The following MAGI2 variants were observed in gnomAD, a reference collection of about 807,000 sequenced individuals.
The protein encoded by MAGI2 is membrane associated guanylate kinase, WW and PDZ domain containing 2.
MAGI2 carries 35 observed loss-of-function variants against 133.3 expected under a neutral mutation model. The ratio of observed to expected loss-of-function variants is 0.26; its 90% CI spans 0.20 to 0.35. The LOEUF is 0.35. MAGI2 is among the 10% of genes least tolerant of loss of function. The pLI, the probability that MAGI2 is intolerant of heterozygous loss-of-function variation, is 1.00. For synonymous variants in MAGI2, 729 were observed against 710.6 expected, an observed-to-expected ratio of 1.03 and a Z score of -0.41; for missense variants, 1,636 against 1,863.4, an observed-to-expected ratio of 0.88 and a Z score of 2.25.
chr7:78,794,793 C>G (rs1023764715), intron 2 of MAGI2, among the ~76,000 whole-genome samples: 8 of 152,074 alleles, frequency 5.3e-5, no homozygotes, highest in African/African-American at 1.9e-4. Context: ...AACACTGAAA[C>G]TATTGGAAAT....
At chr7:78,542,369 T>C (rs898651633) in intron 3 of MAGI2, among the ~76,000 whole-genome samples, 19 of 152,166 alleles carry the variant, frequency 1.2e-4, no homozygotes, top group African/African-American at 4.3e-4. Context: ...GAATACTTCA[T>C]ATGTACCTAG....
intron 6 of MAGI2, among the ~76,000 whole-genome samples, chr7:78,417,154 G>A (rs867566294): frequency 4.6e-5 from 7 of 152,026 alleles, no homozygotes; most frequent in Non-Finnish European, 8.8e-5. Flanking sequence ...CTTTGAGGAA[G>A]GGCCAGAGTG....
intron 10 of MAGI2, among the ~76,000 whole-genome samples, chr7:78,213,679 C>G (rs1787988722): frequency 6.6e-6 from 1 of 152,168 alleles, no homozygotes. Context: ...AGGGAAATGT[C>G]AAGCTGTAAC....
intron 9 of MAGI2, among the ~76,000 whole-genome samples, chr7:78,286,951 C>T (rs1274576839): frequency 4.6e-5 from 7 of 152,080 alleles, no homozygotes; most frequent in African/African-American, 1.2e-4. Flanking sequence ...TGAATGTAGC[C>T]GGATGGAATA....
chr7:78,997,869 C>A (rs991210576), intron 2 of MAGI2, among the ~76,000 whole-genome samples: 1 of 152,126 alleles, frequency 6.6e-6, no homozygotes, highest in African/African-American at 2.4e-5. Context: ...GCACTATATT[C>A]AATGTTAAAT....
At chr7:78,971,597 G>A (rs909577373) in intron 2 of MAGI2, among the ~76,000 whole-genome samples, 3 of 151,944 alleles carry the variant, frequency 2.0e-5, no homozygotes, top group Admixed American at 2.0e-4. Flanking sequence ...TATTTTATCT[G>A]TCAACCCTAA....
chr7:78,079,477 TA>T (rs1185105676), intron 20 of MAGI2, among the ~76,000 whole-genome samples: 7 of 152,248 alleles, frequency 4.6e-5, no homozygotes, highest in Non-Finnish European at 1.0e-4. Flanking sequence ...TCATTGATTC[TA>T]TTGCCAACTG....
chr7:78,352,254 A>G (rs1195251837), intron 7 of MAGI2, among the ~76,000 whole-genome samples: 2 of 152,208 alleles, frequency 1.3e-5, no homozygotes, highest in Non-Finnish European at 1.5e-5. Flanking sequence ...GGGACAAAAA[A>G]GAATTATGAT....
At chr7:79,004,326 A>AT (rs1807211787) in intron 2 of MAGI2, among the ~76,000 whole-genome samples, 1 of 152,216 alleles carries the variant, frequency 6.6e-6, no homozygotes, top group African/African-American at 2.4e-5. Context: ...AGAAGTGGAG[A>AT]TCACTATGTT....
intron 3 of MAGI2, among the ~76,000 whole-genome samples, chr7:78,555,771 C>T (rs894161053): frequency 1.3e-5 from 2 of 152,162 alleles, no homozygotes; most frequent in Non-Finnish European, 2.9e-5. Flanking sequence ...TCAATGACTA[C>T]ACTTAGATTG....
chr7:78,974,433 G>T (rs983479884), intron 2 of MAGI2, among the ~76,000 whole-genome samples: 2 of 151,856 alleles, frequency 1.3e-5, no homozygotes, highest in African/African-American at 4.8e-5. Flanking sequence ...TGAGCATGCA[G>T]TATTGAAACA....
chr7:79,157,965 T>G (rs1823973032), intron 1 of MAGI2, among the ~76,000 whole-genome samples: 1 of 150,802 alleles, frequency 6.6e-6, no homozygotes, highest in African/African-American at 2.4e-5. Flanking sequence ...TGTGTGTGTG[T>G]GTGTGTGTGT....
chr7:78,742,815 C>G (rs987818474), intron 2 of MAGI2, among the ~76,000 whole-genome samples: 2 of 152,116 alleles, frequency 1.3e-5, no homozygotes, highest in African/African-American at 2.4e-5. Context: ...CTAGAAAAAT[C>G]GATTCAGCTT....
intron 1 of MAGI2, among the ~76,000 whole-genome samples, chr7:79,299,339 G>C (rs1283210032): frequency 1.3e-5 from 2 of 152,078 alleles, no homozygotes; most frequent in Admixed American, 1.3e-4. Context: ...GTGACATAGA[G>C]TGTTGTGAAA....
At chr7:79,308,815 T>A (rs535227478) in intron 1 of MAGI2, among the ~76,000 whole-genome samples, 2 of 152,302 alleles carry the variant, frequency 1.3e-5, no homozygotes, top group African/African-American at 4.8e-5. Context: ...AATCATTTCT[T>A]TTCTTAAGAA....
At chr7:79,415,940 C>T (rs558439918) in intron 1 of MAGI2, among the ~76,000 whole-genome samples, 3 of 152,018 alleles carry the variant, frequency 2.0e-5, no homozygotes, top group Non-Finnish European at 2.9e-5. Context: ...AACCTTAAAA[C>T]TTAGTAAGAA....
At chr7:78,029,429 G>A (rs996091382) in intron 21 of MAGI2, among the ~76,000 whole-genome samples, 1 of 152,192 alleles carries the variant, frequency 6.6e-6, no homozygotes, top group Non-Finnish European at 1.5e-5. Flanking sequence ...TTAAAGACAA[G>A]TTTTGAGGCA....
At chr7:79,193,611 G>T (rs1219057847) in intron 1 of MAGI2, among the ~76,000 whole-genome samples, 1 of 151,592 alleles carries the variant, frequency 6.6e-6, no homozygotes, top group African/African-American at 2.4e-5. Context: ...AATAACTTAA[G>T]AACTTTATTT....
At chr7:78,868,172 T>G (rs746983500) in intron 2 of MAGI2, among the ~76,000 whole-genome samples, 50 of 151,862 alleles carry the variant, frequency 3.3e-4, no homozygotes, top group Admixed American at 1.0e-3. Context: ...CATAATATGT[T>G]AAAACTATGG....
Sources: allele counts gnomAD v4.1 joint callset (sites outside exome capture counted in the v4.1 genomes callset), GRCh38; gene constraint gnomAD v4.1.1; transcripts MANE v1.5; gene names NCBI Gene and HGNC (gene_info 2026-07-23, HGNC 2026-07-21).